The following LARP1 variants were observed in gnomAD, a reference collection of about 807,000 sequenced individuals.
LARP1 encodes the protein la-related protein 1.
Under a neutral mutation model 122.7 loss-of-function variants are expected in LARP1, and 36 were observed. That is an observed-to-expected ratio of 0.29 (90% CI 0.22 to 0.39). The LOEUF is 0.39. Ranked by LOEUF, LARP1 falls within the 10% of genes least tolerant of loss-of-function variation. LARP1 has a pLI of 1.00. For synonymous variants in LARP1, 539 were observed against 528.7 expected, an observed-to-expected ratio of 1.02 and a Z score of -0.27; for missense variants, 1,040 against 1,403.6, an observed-to-expected ratio of 0.74 and a Z score of 4.14.
intron 1 of LARP1, among the ~76,000 whole-genome samples, chr5:154,776,189 CAGTA>C (rs1389956657): frequency 6.6e-6 from 1 of 152,124 alleles, no homozygotes; most frequent in Admixed American, 6.5e-5. Context: ...GGTGAGCAAA[CAGTA>C]AGATTTTTAG....
intron 1 of LARP1, among the ~76,000 whole-genome samples, chr5:154,770,835 G>A (rs548649944): frequency 1.3e-5 from 2 of 152,038 alleles, no homozygotes; most frequent in African/African-American, 2.4e-5. Context: ...GATCCTGGCC[G>A]GGCACGGTGG....
At chr5:154,736,722 C>A (rs189369190) in intron 1 of LARP1, among the ~76,000 whole-genome samples, 1,806 of 151,762 alleles carry the variant, frequency 0.012, 32 homozygotes, top group African/African-American at 0.04. Context: ...TGTGCCATCA[C>A]GTCTGGCTAA....
intron 1 of LARP1, among the ~76,000 whole-genome samples, chr5:154,731,251 T>C (rs944570801): frequency 2.0e-5 from 3 of 152,202 alleles, no homozygotes; most frequent in Non-Finnish European, 1.5e-5. Context: ...AGAGTTGATA[T>C]GGTTGATGGG....
chr5:154,782,749 G>T (rs1000414624), intron 1 of LARP1, among the ~76,000 whole-genome samples: 1 of 152,064 alleles, frequency 6.6e-6, no homozygotes, highest in Non-Finnish European at 1.5e-5. Context: ...CATTTCATCC[G>T]CAGGTCTAGG....
intron 1 of LARP1, among the ~76,000 whole-genome samples, chr5:154,782,548 A>T (rs1485667500): frequency 6.6e-6 from 1 of 152,092 alleles, no homozygotes; most frequent in Non-Finnish European, 1.5e-5. Flanking sequence ...GGCCAGCATC[A>T]TGTGACTGGA....
intron 8 of LARP1, among the ~76,000 whole-genome samples, chr5:154,796,526 A>T (rs1561616933): frequency 6.6e-6 from 1 of 152,046 alleles, no homozygotes; most frequent in Non-Finnish European, 1.5e-5. Context: ...TTTTTTGTAA[A>T]TTGTGATCTA....
rs375359296 is a variant in LARP1, at chr5:154,804,192, C to A, written c.2440-9C>A. On this transcript the variant is annotated splice_polypyrimidine_tract_variant and intron_variant, in intron 13 of 18. Transcript: ENST00000518297. ...CAAACAGTAACAAACCCTGGGCTAA[C>A]CTTTGCAGATGCCTCGAAAAAGAAA... is the stretch of plus-strand genomic sequence containing the variant. 1.9e-6 allele frequency: 3 copies of A among 1,610,796 alleles called. No individual in the cohort carries two copies. The highest frequency in any genetic ancestry group is 1.7e-5 in the Admixed American group (1 of 60,008).
intron 1 of LARP1, among the ~76,000 whole-genome samples, chr5:154,790,068 G>A (rs532564528): frequency 6.6e-6 from 1 of 152,304 alleles, no homozygotes; most frequent in Admixed American, 6.5e-5. Flanking sequence ...CCTGAGTCTG[G>A]ACTTCTTGGG....
rs376028002 is a variant in LARP1, at chr5:154,794,148, G to A, written c.1118G>A (p.Gly373Glu). The change falls in exon 7 of 19, where the codon GGG (glycine) becomes GAG (glutamate). Residue 373 changes from glycine (G) to glutamate (E), a missense_variant. This residue lies in a region of LARP1 where 178 missense variants were observed against 178.3 expected (regional missense o/e 1.00). Transcript: ENST00000518297. The part of the protein sequence containing the change: ...FGYRKFDGVE[G>E]PRTPKYMNNI... ...TACCGAAAGTTTGATGGTGTGGAGGGGCCTCGTACGCCCAAGTACATGAAC... is the reference window on the plus strand; with the variant it reads ...TACCGAAAGTTTGATGGTGTGGAGGAGCCTCGTACGCCCAAGTACATGAAC... The A allele has an allele frequency of 6.2e-7, 1 of 1,614,038 alleles. No homozygotes were observed. Among genetic ancestry groups the A allele is most frequent in the African/African-American group, 1.3e-5 (1 of 74,910 alleles).
At chr5:154,756,355 C>G (rs1462083179) in intron 1 of LARP1, 162 bp downstream of exon 1, 1 of 962,102 alleles carries the variant, frequency 1.0e-6, no homozygotes, top group African/African-American at 1.8e-5. Context: ...GCGCCCTCCC[C>G]CCCACCGTAC....
At chr5:154,722,380 T>G (rs1026118980) in intron 1 of LARP1, among the ~76,000 whole-genome samples, 3 of 152,108 alleles carry the variant, frequency 2.0e-5, no homozygotes, top group African/African-American at 4.8e-5. Flanking sequence ...AATATTGCTC[T>G]CCCCAGGCTG....
chr5:154,726,354 T>C (rs1038338650), intron 1 of LARP1, among the ~76,000 whole-genome samples: 6 of 152,210 alleles, frequency 3.9e-5, no homozygotes, highest in Non-Finnish European at 8.8e-5. Flanking sequence ...CTATAATTTT[T>C]TCATATACAA....
chr5:154,793,447 A>C (rs1757494650), intron 4 of LARP1, 148 bp from the exon 5 acceptor site: 6 of 927,658 alleles, frequency 6.5e-6, no homozygotes, highest in Non-Finnish European at 8.4e-6. Flanking sequence ...GATGAAAAAG[A>C]GGGCTAATGT....
intron 1 of LARP1, chr5:154,756,566 C>A: frequency 2.2e-6 from 2 of 910,322 alleles, no homozygotes; most frequent in Non-Finnish European, 2.6e-6. Context: ...GGAAGCCCCT[C>A]TTCCCACCCC....
chr5:154,764,055 T>A (rs1315870165), intron 1 of LARP1, among the ~76,000 whole-genome samples: 2 of 151,000 alleles, frequency 1.3e-5, no homozygotes, highest in Non-Finnish European at 3.0e-5. Flanking sequence ...ACGCCTGTAA[T>A]CCCAGCACTT....
At chr5:154,790,561 G>C in intron 2 of LARP1, 84 bp from the exon 3 acceptor site, 1 of 1,490,092 alleles carries the variant, frequency 6.7e-7, no homozygotes. Flanking sequence ...TTTGGCCTCT[G>C]ATCTCTTGGT....
At chr5:154,704,677 C>T (rs1459613643) in intron 1 of LARP1, among the ~76,000 whole-genome samples, 5 of 146,518 alleles carry the variant, frequency 3.4e-5, no homozygotes, top group Non-Finnish European at 7.5e-5. Flanking sequence ...AGCTTCTGCA[C>T]AGCAGAAACT....
chr5:154,805,440 A>G (rs991187835), intron 14 of LARP1, among the ~76,000 whole-genome samples: 1 of 150,098 alleles, frequency 6.7e-6, no homozygotes, highest in African/African-American at 2.4e-5. Flanking sequence ...TGCTGTCTCA[A>G]GAGTGGCAAA....
chr5:154,812,807 G>A (rs1582498975), intron 18 of LARP1, among the ~76,000 whole-genome samples: 3 of 152,056 alleles, frequency 2.0e-5, no homozygotes, highest in South Asian at 2.1e-4. Context: ...ATGAGCCACC[G>A]CGCCCGGCCC....
Sources: allele counts gnomAD v4.1 joint callset (sites outside exome capture counted in the v4.1 genomes callset), GRCh38; gene constraint gnomAD v4.1.1; regional missense constraint gnomAD v4.1.1; transcripts MANE v1.5; gene names NCBI Gene and HGNC (gene_info 2026-07-23, HGNC 2026-07-21).